FCHO2: variants seen among roughly 807,000 people sequenced by gnomAD.
FCHO2 encodes the protein F-BAR domain only protein 2.
FCHO2 carries 43 observed loss-of-function variants against 114.1 expected under a neutral mutation model. The ratio of observed to expected loss-of-function variants is 0.38; its 90% CI spans 0.30 to 0.49. FCHO2 has a LOEUF of 0.49. FCHO2 is among the 20% of genes least tolerant of loss of function. FCHO2 has a pLI of 0.97. For synonymous variants in FCHO2, 293 were observed against 315.2 expected (o/e 0.93, Z 0.75); for missense variants, 807 against 950.4 (o/e 0.85, Z 1.98).
At chr5:73,073,682 G>C (rs549960894) in intron 19 of FCHO2, among the ~76,000 whole-genome samples, 13 of 152,134 alleles carry the variant, frequency 8.5e-5, no homozygotes, top group African/African-American at 2.9e-4. Flanking sequence ...GGCAGAAAAA[G>C]CCAGTACTGA....
intron 2 of FCHO2, among the ~76,000 whole-genome samples, chr5:72,986,185 C>T (rs557813692): frequency 2.0e-5 from 3 of 151,946 alleles, no homozygotes; most frequent in African/African-American, 7.2e-5. Context: ...GCTGCTAAAC[C>T]CCATCCAAGG....
intron 9 of FCHO2, among the ~76,000 whole-genome samples, chr5:73,036,602 C>G (rs929980570): frequency 5.9e-5 from 9 of 152,050 alleles, no homozygotes; most frequent in African/African-American, 2.2e-4. Context: ...TCTTGAACTT[C>G]TGAGTTCAAG....
chr5:73,052,629 A>G, intron 13 of FCHO2, 122 bp downstream of exon 13: 1 of 800,102 alleles, frequency 1.2e-6, no homozygotes, highest in Non-Finnish European at 1.9e-6. Context: ...CTTAGTTTAT[A>G]ATTTTTATAC....
At chr5:73,082,361 A>G (rs1743125980) in intron 23 of FCHO2, among the ~76,000 whole-genome samples, 1 of 151,482 alleles carries the variant, frequency 6.6e-6, no homozygotes, top group South Asian at 2.1e-4. Context: ...ATTAGTGTTT[A>G]ATAGTATTAG....
chr5:73,024,510 G>C (rs1373180297), intron 8 of FCHO2, among the ~76,000 whole-genome samples: 1 of 151,790 alleles, frequency 6.6e-6, no homozygotes, highest in Non-Finnish European at 1.5e-5. Context: ...CATGGTCTTG[G>C]CTCACTGAAC....
At position 73,087,715 on chromosome 5, in the gene FCHO2, G is replaced by C. The variant is rs763295354; in HGVS notation, c.2372G>C (p.Gly791Ala). The part of the protein sequence containing the change: ...SGVDFELVGT[G>A]YRLSLIKKRF... ...GTAGATTTCGAACTTGTGGGCACTG[G>C]CTATAGGCTTTCCTTAATAAAGAAG... The change falls in exon 25 of 26, where the codon GGC becomes GCC. Residue 791 changes from glycine (G) to alanine (A), a missense_variant. Gly to Ala is a moderately conservative substitution (Grantham distance 60). Coordinates refer to ENST00000430046, the MANE Select transcript of FCHO2 (RefSeq NM_138782.3). 2.5e-6 allele frequency: 4 copies of C among 1,599,250 alleles called. No homozygotes were observed. The highest frequency in any genetic ancestry group is 4.5e-5 in the East Asian group (2 of 44,740).
Position 73,045,383 on chromosome 5 carries a change from A to T in FCHO2, c.939+4068A>T, listed in dbSNP as rs952544082. Reference sequence around the variant, plus strand: ...ATGCTTTTGAGATTGGCTTTTTTCCACTCAGCACAGTTCTTTGGAGATGTA... The same window carrying T: ...ATGCTTTTGAGATTGGCTTTTTTCCTCTCAGCACAGTTCTTTGGAGATGTA... On this transcript the variant is annotated intron_variant, in intron 11 of 25. Transcript: ENST00000430046. Among the ~76,000 whole-genome samples the T allele has an allele frequency of 1.2e-4, 19 of 152,034 alleles. 1 individual carries two copies. Among genetic ancestry groups the T allele is most frequent in the Non-Finnish European group, 1.5e-5 (1 of 68,014 alleles).
intron 8 of FCHO2, chr5:73,020,841 T>G: frequency 1.1e-6 from 1 of 935,412 alleles, no homozygotes; most frequent in Non-Finnish European, 1.8e-6. Flanking sequence ...GCTGCTCATC[T>G]GAGATATTTA....
At chr5:72,978,585 T>C (rs933309068) in intron 2 of FCHO2, among the ~76,000 whole-genome samples, 1 of 152,202 alleles carries the variant, frequency 6.6e-6, no homozygotes, top group African/African-American at 2.4e-5. Context: ...CTTTTCCTAT[T>C]TGAATACCCT....
At chr5:72,991,260 C>T (rs544193249) in intron 5 of FCHO2, among the ~76,000 whole-genome samples, 28 of 152,250 alleles carry the variant, frequency 1.8e-4, no homozygotes, top group East Asian at 1.7e-3. Flanking sequence ...GATGGGGTTT[C>T]GCCATGTTAG....
At chr5:73,004,854 T>A (rs554325369) in intron 5 of FCHO2, among the ~76,000 whole-genome samples, 32 of 152,296 alleles carry the variant, frequency 2.1e-4, no homozygotes, top group Non-Finnish European at 4.3e-4. Context: ...TAGTTGTTAA[T>A]CTCTTACTGT....
At chr5:73,058,914 G>C (rs1390313226) in intron 17 of FCHO2, among the ~76,000 whole-genome samples, 1 of 151,998 alleles carries the variant, frequency 6.6e-6, no homozygotes, top group Non-Finnish European at 1.5e-5. Flanking sequence ...CAAATTTTGT[G>C]CATATGTCTC....
intron 22 of FCHO2, among the ~76,000 whole-genome samples, chr5:73,078,992 C>T (rs1743005581): frequency 6.6e-6 from 1 of 152,134 alleles, no homozygotes; most frequent in South Asian, 2.1e-4. Context: ...ACTTATACAT[C>T]TAATATAATA....
chr5:72,996,565 C>A (rs1754116463), intron 5 of FCHO2, among the ~76,000 whole-genome samples: 1 of 151,420 alleles, frequency 6.6e-6, no homozygotes, highest in Admixed American at 6.6e-5. Context: ...CTCCCTCCCC[C>A]ACTGTCCCCT....
intron 5 of FCHO2, among the ~76,000 whole-genome samples, chr5:73,004,254 C>T (rs1461230310): frequency 1.3e-5 from 2 of 151,758 alleles, no homozygotes; most frequent in South Asian, 2.1e-4. Context: ...GGGTTTCTTG[C>T]GAAGGTACTT....
intron 10 of FCHO2, among the ~76,000 whole-genome samples, chr5:73,037,510 T>A (rs1756580245): frequency 6.6e-6 from 1 of 152,062 alleles, no homozygotes; most frequent in Non-Finnish European, 1.5e-5. Context: ...ATGCATATTT[T>A]AAAAAATTAA....
rs1755657343 is a variant in FCHO2, at chr5:73,022,039, A to G, written c.796+4731A>G. Among the ~76,000 whole-genome samples the G allele has an allele frequency of 2.0e-5, 3 of 152,202 alleles. No homozygotes were observed. The South Asian group carries it at 6.2e-4, about 31-fold the overall frequency. ...ATTTGTCTAAGCTAGTACATGGCAG[A>G]AATGGGATTCAGTTCTGGGATTTTT... is the stretch of plus-strand genomic sequence containing the variant. On this transcript the variant is annotated intron_variant, in intron 8 of 25. Coordinates refer to ENST00000430046, the MANE Select transcript of FCHO2 (RefSeq NM_138782.3).
chr5:73,068,537 A>G, intron 18 of FCHO2, 113 bp from the exon 19 acceptor site: 1 of 1,050,138 alleles, frequency 9.5e-7, no homozygotes, highest in South Asian at 1.8e-5. Context: ...AGTTACAAGA[A>G]ACTCACACAG....
intron 18 of FCHO2, among the ~76,000 whole-genome samples, chr5:73,065,130 C>T (rs770367671): frequency 9.9e-5 from 15 of 151,832 alleles, no homozygotes; most frequent in Non-Finnish European, 1.5e-4. Context: ...CTTTCTTTTC[C>T]GAATGAACAG....
Sources: allele counts gnomAD v4.1 joint callset (sites outside exome capture counted in the v4.1 genomes callset), GRCh38; gene constraint gnomAD v4.1.1; transcripts MANE v1.5; gene names NCBI Gene and HGNC (gene_info 2026-07-23, HGNC 2026-07-21).